Variants in IGDCC4 observed in about 807,000 individuals in gnomAD.
The protein encoded by IGDCC4 is likely ortholog of mouse neighbor of Punc E11.
IGDCC4 carries 72 observed loss-of-function variants against 116.6 expected under a neutral mutation model. The observed-to-expected ratio is 0.62, with a 90% CI of 0.51 to 0.75. The LOEUF (loss-of-function observed/expected upper bound fraction) is 0.75, where lower values mean the gene tolerates loss of function less well. Ranked by LOEUF, IGDCC4 falls within the 30% of genes least tolerant of loss-of-function variation. The pLI is 0.00. For missense variants in IGDCC4, 1,501 were observed against 1,662.4 expected (o/e 0.90, Z 1.69); for synonymous variants, 709 against 719.9 (o/e 0.98, Z 0.24).
chr15:65,394,376 C>T, intron 9 of IGDCC4, 35 bp downstream of exon 9: 2 of 1,611,212 alleles, frequency 1.2e-6, no homozygotes, highest in South Asian at 2.2e-5. Flanking sequence ...TTGATCATTC[C>T]CATACATGCC....
At chr15:65,394,678 A>T in intron 8 of IGDCC4, 130 bp from the exon 9 acceptor site, 2 of 921,304 alleles carry the variant, frequency 2.2e-6, no homozygotes, top group South Asian at 1.8e-5. Flanking sequence ...TGAGGGAGGA[A>T]AGGGAGCTTC....
Position 65,394,351 on chromosome 15 carries a change from T to C in IGDCC4, c.1714+60A>G, listed in dbSNP as rs1385720344. ...ACCCTGCTCAGGTCTCCAGCAGCCC[T>C]GACAGCTCTTCACGTTGATCATTCC... On this transcript the variant is annotated intron_variant, in intron 9 of 19. Coordinates refer to ENST00000352385, the MANE Select transcript of IGDCC4 (RefSeq NM_020962.3). The C allele has an allele frequency of 4.4e-6, 7 of 1,605,664 alleles. No homozygotes were observed. The African/African-American group carries it at 5.3e-5, about 12-fold the overall frequency.
At chr15:65,410,111 T>C (rs1206637087) in intron 3 of IGDCC4, 67 bp downstream of exon 3, 5 of 1,579,608 alleles carry the variant, frequency 3.2e-6, no homozygotes, top group Non-Finnish European at 4.3e-6. Context: ...AGAATCTCAG[T>C]TCTGAGCACA....
intron 9 of IGDCC4, 83 bp downstream of exon 9, chr15:65,394,328 C>T (rs2062897100): frequency 3.1e-6 from 5 of 1,592,282 alleles, no homozygotes; most frequent in South Asian, 1.1e-5. Flanking sequence ...ACTCCCGTAC[C>T]CTGCTCAGGT....
At chr15:65,416,956 C>T (rs143939478) in intron 1 of IGDCC4, among the ~76,000 whole-genome samples, 4 of 151,938 alleles carry the variant, frequency 2.6e-5, no homozygotes, top group Admixed American at 1.3e-4. Context: ...GGAGGCCTGG[C>T]GTGAGTTCCA....
At chr15:65,420,865 T>C (rs574869805) in intron 1 of IGDCC4, among the ~76,000 whole-genome samples, 3 of 152,274 alleles carry the variant, frequency 2.0e-5, no homozygotes, top group South Asian at 4.1e-4. Context: ...TTCCTGCGTC[T>C]TCCCCAGCAC....
chr15:65,410,179 G>A lies in IGDCC4; in HGVS notation c.562C>T (p.Arg188Trp), dbSNP rs1370454461. ...CCCGCTCCCCTACAGGGCACTCACC[G>A]AGGCTCCTCAGGCAATGTCACCTGG... is the stretch of plus-strand genomic sequence containing the variant. ...KDQVTLPEEP[R>W]LIVLPNGVLQ... Residue 188 changes from arginine to tryptophan, a missense_variant and splice_region_variant, in exon 3 of 20, where the codon CGG (arginine) becomes TGG (tryptophan). Coordinates refer to ENST00000352385, the MANE Select transcript of IGDCC4 (RefSeq NM_020962.3). The A allele has an allele frequency of 2.5e-6, 4 of 1,612,510 alleles. No individual in the cohort carries two copies. Among genetic ancestry groups the A allele is most frequent in the Middle Eastern group, 1.9e-4 (1 of 5,314 alleles).
intron 16 of IGDCC4, among the ~76,000 whole-genome samples, 174 bp from the exon 17 acceptor site, chr15:65,386,830 T>G (rs1480927216): frequency 6.6e-6 from 1 of 152,154 alleles, no homozygotes; most frequent in Non-Finnish European, 1.5e-5. Flanking sequence ...AAACTACTAC[T>G]ACCTCTCCCT....
intron 1 of IGDCC4, among the ~76,000 whole-genome samples, chr15:65,421,713 G>C (rs1202621980): frequency 7.0e-6 from 1 of 142,002 alleles, no homozygotes; most frequent in East Asian, 2.1e-4. Context: ...ACTCTCCCCG[G>C]ACACATCCTC....
At chr15:65,421,375 T>G (rs538463473) in intron 1 of IGDCC4, among the ~76,000 whole-genome samples, 2 of 152,288 alleles carry the variant, frequency 1.3e-5, no homozygotes, top group South Asian at 4.1e-4. Flanking sequence ...GACCTCTCTC[T>G]GACACTTCCC....
At chr15:65,389,196 T>G in intron 14 of IGDCC4, 88 bp downstream of exon 14, 1 of 1,545,182 alleles carries the variant, frequency 6.5e-7, no homozygotes, top group Non-Finnish European at 8.7e-7. Context: ...GCCCAAACCT[T>G]GGGGTTCTGA....
chr15:65,390,807 T>C (rs145585252), intron 12 of IGDCC4, among the ~76,000 whole-genome samples: 99 of 152,350 alleles, frequency 6.5e-4, no homozygotes, highest in Middle Eastern at 6.8e-3. Flanking sequence ...TAAGTGTTTA[T>C]TTTAGAAACA....
In IGDCC4 at chr15:65,383,929, A is replaced by T; in HGVS notation, c.*80T>A. 1 of 1,324,962 alleles carries T rather than the reference A, an allele frequency of 7.5e-7. No individual in the cohort carries two copies. The highest frequency in any genetic ancestry group is 1.0e-6 in the Non-Finnish European group (1 of 980,452). 82.1% of individuals were successfully genotyped at this position (1,324,962 alleles called of 1,614,324 possible). A position where few individuals can be genotyped will look rare whatever the true frequency, so the allele number is the denominator to read the frequency against. On this transcript the variant is annotated 3_prime_UTR_variant, in exon 20 of 20. Coordinates refer to ENST00000352385, the MANE Select transcript of IGDCC4 (RefSeq NM_020962.3). The stretch of plus-strand genomic sequence containing the variant: ...CTTGATGATGTATCTACAGGCACAC[A>T]TGTGGACATACACGGCCACAGGTAT...
chr15:65,384,909 G>A lies in IGDCC4; in HGVS notation c.3342+45C>T. 6.4e-7 allele frequency: 1 copy of A among 1,571,622 alleles called. No individual in the cohort carries two copies. The highest frequency in any genetic ancestry group is 8.6e-7 in the Non-Finnish European group (1 of 1,167,824). On this transcript the variant is annotated intron_variant, in intron 19 of 19. Transcript: ENST00000352385. The surrounding 1 kb of genome is among the most constrained non-coding windows in gnomAD (Gnocchi z 4.9). ...TCATTACTTCCTCTTCACAAGCACA[G>A]AGACCCTTTCCTCCTTTCCTGCCCC...
Position 65,385,021 on chromosome 15 carries a change from G to A in IGDCC4, c.3275C>T (p.Ala1092Val), listed in dbSNP as rs1236435833. ...QAGPRPALTRALLPPAGTGQT... is the reference protein window; with the variant it reads ...QAGPRPALTRVLLPPAGTGQT... ...CCCAGTTCCAGCAGGGGGCAGCAGG[G>A]CCCGGGTCAGAGCCGGCCGGGGGCC... The change falls in exon 19 of 20, where the codon GCC becomes GTC. Residue 1092 changes from alanine to valine, a missense_variant. Transcript: ENST00000352385. 1.9e-5 allele frequency: 31 copies of A among 1,608,490 alleles called. No homozygotes were observed. The highest frequency in any genetic ancestry group is 2.6e-5 in the Non-Finnish European group (31 of 1,178,114).
In IGDCC4 at chr15:65,411,359, A is replaced by G; in HGVS notation, c.82T>C (p.Leu28=). ...CLLAARGELL[L]PQETTVELSC... ...AGCTCCACAGTCGTCTCCTGGGGCA[A>G]CAGCAGCTCCCCTGCATAGAGGAGG... is the stretch of plus-strand genomic sequence containing the variant. The change falls in exon 2 of 20, where the codon TTG becomes CTG. Residue 28 remains leucine (L), a synonymous_variant. Coordinates refer to ENST00000352385, the MANE Select transcript of IGDCC4 (RefSeq NM_020962.3). 3 of 1,573,016 alleles carry G rather than the reference A, an allele frequency of 1.9e-6. No individual in the cohort carries two copies. Among genetic ancestry groups the G allele is most frequent in the South Asian group, 2.4e-5 (2 of 84,262 alleles).
chr15:65,410,930 C>T, intron 2 of IGDCC4, 90 bp downstream of exon 2: 3 of 999,472 alleles, frequency 3.0e-6, no homozygotes, highest in Non-Finnish European at 4.4e-6. Flanking sequence ...AAGAGAGAGG[C>T]ATTTGTGCAA....
chr15:65,386,680 G>C (rs369770282), intron 16 of IGDCC4, 24 bp from the exon 17 acceptor site: 10 of 1,587,220 alleles, frequency 6.3e-6, no homozygotes, highest in Non-Finnish European at 8.6e-6. Flanking sequence ...GAGAGGCACA[G>C]AGCAGGTCAG....
In IGDCC4 at chr15:65,382,621, T is replaced by C. The variant is rs1595771765; in HGVS notation, c.*1388A>G. 6.6e-6 allele frequency: 1 copy of C among 152,402 alleles called. No individual in the cohort carries two copies. Among genetic ancestry groups the C allele is most frequent in the Admixed American group, 6.5e-5 (1 of 15,280 alleles). 9.4% of individuals were successfully genotyped at this position (152,402 alleles called of 1,614,324 possible). ...GTCAAGCTTGTCCCTGTGCGGCAGG[T>C]GAACAGAAAATGACTTGAGGATTCA... On this transcript the variant is annotated 3_prime_UTR_variant, in exon 20 of 20. Coordinates refer to ENST00000352385, the MANE Select transcript of IGDCC4 (RefSeq NM_020962.3).
Sources: allele counts gnomAD v4.1 joint callset (sites outside exome capture counted in the v4.1 genomes callset), GRCh38; gene constraint gnomAD v4.1.1; non-coding constraint Gnocchi (gnomAD v3.1); transcripts MANE v1.5; gene names NCBI Gene and HGNC (gene_info 2026-07-23, HGNC 2026-07-21).